NLGN1: variants seen among roughly 807,000 people sequenced by gnomAD.
The protein encoded by NLGN1 is neuroligin-1.
NLGN1 carries 12 observed loss-of-function variants against 65.5 expected under a neutral mutation model. That is an observed-to-expected ratio of 0.18 (90% CI 0.12 to 0.30). The LOEUF is 0.30. NLGN1 is among the 10% of genes least tolerant of loss of function. NLGN1 has a pLI of 1.00. For missense variants in NLGN1, 750 were observed against 1,007.1 expected, an observed-to-expected ratio of 0.74 and a Z score of 3.46; for synonymous variants, 350 against 359.5, an observed-to-expected ratio of 0.97 and a Z score of 0.30.
chr3:173,781,217 A>G (rs1414589495), intron 3 of NLGN1, among the ~76,000 whole-genome samples: 2 of 151,928 alleles, frequency 1.3e-5, no homozygotes, highest in African/African-American at 4.8e-5. Flanking sequence ...TCCATGTCAC[A>G]TACTGTACTC....
At chr3:173,936,675 A>T (rs1197879753) in intron 4 of NLGN1, among the ~76,000 whole-genome samples, 1 of 152,040 alleles carries the variant, frequency 6.6e-6, no homozygotes, top group Non-Finnish European at 1.5e-5. Flanking sequence ...TATTGATTCT[A>T]TCATTTTTTA....
intron 4 of NLGN1, among the ~76,000 whole-genome samples, chr3:173,939,919 T>A (rs1180563611): frequency 6.6e-6 from 1 of 152,104 alleles, no homozygotes; most frequent in Non-Finnish European, 1.5e-5. Context: ...TAATGCACTT[T>A]TAATTCAAAA....
intron 4 of NLGN1, chr3:173,912,660 G>A (rs537689599): frequency 1.1e-4 from 16 of 152,172 alleles, no homozygotes; most frequent in African/African-American, 3.9e-4. Flanking sequence ...TAAATGAGGT[G>A]TATCAACAGA....
intron 4 of NLGN1, among the ~76,000 whole-genome samples, chr3:173,818,771 C>G (rs1299415454): frequency 6.6e-6 from 1 of 152,028 alleles, no homozygotes; most frequent in African/African-American, 2.4e-5. Flanking sequence ...AGCTGCATTA[C>G]TGACTTTTTA....
At chr3:174,240,433 C>T (rs1277801787) in intron 4 of NLGN1, among the ~76,000 whole-genome samples, 2 of 152,002 alleles carry the variant, frequency 1.3e-5, no homozygotes, top group East Asian at 3.9e-4. Context: ...TGAAAGAGTC[C>T]TCCTTATAAT....
At chr3:174,118,815 G>A (rs1717134485) in intron 4 of NLGN1, among the ~76,000 whole-genome samples, 1 of 152,118 alleles carries the variant, frequency 6.6e-6, no homozygotes, top group Non-Finnish European at 1.5e-5. Flanking sequence ...TGGTGGCCGT[G>A]TATTACATAC....
At chr3:174,124,716 T>G (rs2152655780) in intron 4 of NLGN1, among the ~76,000 whole-genome samples, 1 of 149,560 alleles carries the variant, frequency 6.7e-6, no homozygotes, top group Non-Finnish European at 1.5e-5. Context: ...ACTTATATAT[T>G]TATACGTATA....
rs1486805035 is a variant in NLGN1, at chr3:174,116,337, T to C, written c.647-158978T>C. Among the ~76,000 whole-genome samples the C allele has an allele frequency of 7.2e-4, 97 of 135,230 alleles. 4 individuals are homozygous for C. Among genetic ancestry groups the C allele is most frequent in the Admixed American group, 1.6e-3 (22 of 13,650 alleles). 88.7% of individuals were successfully genotyped at this position (135,230 alleles called of 152,430 possible). On this transcript the variant is annotated intron_variant, in intron 4 of 6. Coordinates refer to ENST00000457714, the Ensembl canonical transcript of NLGN1. The stretch of plus-strand genomic sequence containing the variant: ...AGTTTTTTTCTGGGTTTTCTTTTTT[T>C]TTTTTTTTTTTTTTTTTTTTGAGAC...
chr3:173,803,449 A>G (rs895712714), intron 3 of NLGN1, among the ~76,000 whole-genome samples: 1 of 151,918 alleles, frequency 6.6e-6, no homozygotes, highest in African/African-American at 2.4e-5. Flanking sequence ...TGAAACTAAA[A>G]ATAAAAAAAT....
chr3:174,270,125 C>CTTTTT (rs10547985), intron 4 of NLGN1, among the ~76,000 whole-genome samples: 20 of 120,014 alleles, frequency 1.7e-4, no homozygotes, highest in South Asian at 2.6e-4. Flanking sequence ...GGTTTCCTTT[C>CTTTTT]TTTTTTTTTT....
chr3:174,093,065 G>A (rs895654229), intron 4 of NLGN1, among the ~76,000 whole-genome samples: 60 of 152,212 alleles, frequency 3.9e-4, no homozygotes, highest in African/African-American at 1.4e-3. Flanking sequence ...AAACTCTCGG[G>A]TCACTTTAAA....
intron 4 of NLGN1, among the ~76,000 whole-genome samples, chr3:174,175,416 T>G (rs562016936): frequency 4.3e-4 from 65 of 152,124 alleles, no homozygotes; most frequent in Non-Finnish European, 8.4e-4. Flanking sequence ...TAGTTTTGTC[T>G]TGAAATCTAT....
At chr3:173,854,535 C>A (rs975420028) in intron 4 of NLGN1, among the ~76,000 whole-genome samples, 1 of 151,948 alleles carries the variant, frequency 6.6e-6, no homozygotes, top group East Asian at 1.9e-4. Flanking sequence ...TTCTTATCTA[C>A]AAGATAATGA....
chr3:173,966,730 A>G (rs1163679152), intron 4 of NLGN1, among the ~76,000 whole-genome samples: 1 of 152,212 alleles, frequency 6.6e-6, no homozygotes. Flanking sequence ...ATAAAGCATA[A>G]TATAAAAATA....
chr3:173,712,864 A>G (rs1769211302), intron 3 of NLGN1, among the ~76,000 whole-genome samples: 1 of 152,156 alleles, frequency 6.6e-6, no homozygotes, highest in Non-Finnish European at 1.5e-5. Flanking sequence ...AAAACTTCAG[A>G]ACAGGTTGGT....
At chr3:173,442,452 A>G (rs1255337257) in intron 2 of NLGN1, among the ~76,000 whole-genome samples, 1 of 152,186 alleles carries the variant, frequency 6.6e-6, no homozygotes, top group East Asian at 1.9e-4. Context: ...AGCCAAAAAT[A>G]ATGTGTAACA....
intron 2 of NLGN1, among the ~76,000 whole-genome samples, chr3:173,494,429 CAT>C (rs1256070193): frequency 1.3e-5 from 2 of 151,124 alleles, no homozygotes; most frequent in Non-Finnish European, 2.9e-5. Flanking sequence ...CTTAATATAT[CAT>C]AGATACTAAC....
intron 2 of NLGN1, among the ~76,000 whole-genome samples, chr3:173,570,984 G>A (rs1455799116): frequency 6.6e-6 from 1 of 152,308 alleles, no homozygotes; most frequent in East Asian, 1.9e-4. Context: ...TTACAGGCCT[G>A]AGCCACCATG....
intron 4 of NLGN1, among the ~76,000 whole-genome samples, chr3:173,847,205 T>TA (rs1725956010): frequency 6.6e-6 from 1 of 152,148 alleles, no homozygotes; most frequent in African/African-American, 2.4e-5. Context: ...ATTCTTGCCT[T>TA]AAAAAAATAC....
Sources: gnomAD v4.1 joint callset for allele counts (sites outside exome capture counted in the v4.1 genomes callset) on GRCh38, gnomAD v4.1.1 for gene constraint, MANE v1.5 for transcripts, NCBI Gene and HGNC (gene_info 2026-07-23, HGNC 2026-07-21) for gene names.